The following FYTTD1 variants were observed in gnomAD, a reference collection of about 807,000 sequenced individuals.
FYTTD1 encodes the protein UAP56-interacting factor.
FYTTD1 carries 22 observed loss-of-function variants against 40.9 expected under a neutral mutation model. The observed-to-expected ratio is 0.54, with a 90% CI of 0.38 to 0.77. FYTTD1 has a LOEUF of 0.77. Ranked by LOEUF, FYTTD1 falls within the 30% of genes least tolerant of loss-of-function variation. FYTTD1 has a pLI of 0.00. For missense variants in FYTTD1, 351 were observed against 392.2 expected (o/e 0.90, Z 0.89); for synonymous variants, 140 against 137.9 (o/e 1.01, Z -0.10).
intron 2 of FYTTD1, among the ~76,000 whole-genome samples, chr3:197,765,006 C>T (rs897096136): frequency 3.3e-5 from 5 of 151,732 alleles, no homozygotes; most frequent in African/African-American, 7.3e-5. Flanking sequence ...TGCACCACCA[C>T]GCCTGGTGGC....
Position 197,784,173 on chromosome 3 carries a change from G to A in FYTTD1, c.*2264G>A, listed in dbSNP as rs1041735303. 5.1e-4 allele frequency: 78 copies of A among 152,514 alleles called. 2 individuals are homozygous for A. The highest frequency in any genetic ancestry group is 1.5e-4 in the Non-Finnish European group (10 of 68,018). The allele number at this position is 152,514 out of a possible 1,614,324, so 9.4% of individuals were successfully genotyped here. On this transcript the variant is annotated 3_prime_UTR_variant, in exon 9 of 9. Coordinates refer to ENST00000241502, the MANE Select transcript of FYTTD1 (RefSeq NM_032288.7). Reference sequence around the variant, plus strand: ...ACATTGGTGCCGTGCATCACCAAATGAAAGTTTGTATTTAACGAGGAGGTG... The same window carrying A: ...ACATTGGTGCCGTGCATCACCAAATAAAAGTTTGTATTTAACGAGGAGGTG...
At position 197,768,658 on chromosome 3, in the gene FYTTD1, C is replaced by G. The variant is rs1729621426; in HGVS notation, c.384+71C>G. ...TTGTACTAACATTTCTGTGAATAAG[C>G]TTAAGAGAGAATTTTATTTGTTTTT... On this transcript the variant is annotated intron_variant, in intron 3 of 8. Transcript: ENST00000241502. The G allele has an allele frequency of 2.4e-6, 3 of 1,273,214 alleles. No individual in the cohort carries two copies. In the South Asian group the frequency reaches 5.7e-5, roughly 24 times the overall value. The allele number at this position is 1,273,214 out of a possible 1,614,324, so 78.9% of individuals were successfully genotyped here.
At chr3:197,752,948 T>G (rs1729107514) in intron 1 of FYTTD1, among the ~76,000 whole-genome samples, 1 of 152,156 alleles carries the variant, frequency 6.6e-6, no homozygotes, top group South Asian at 2.1e-4. Context: ...GGTTTTCTGT[T>G]TTCTTTTTTG....
intron 2 of FYTTD1, among the ~76,000 whole-genome samples, chr3:197,758,935 G>A (rs191737869): frequency 6.6e-6 from 1 of 152,326 alleles, no homozygotes; most frequent in Admixed American, 6.5e-5. Context: ...TTAACTTCGT[G>A]TGTGAAAAAT....
In FYTTD1 at chr3:197,784,703, A is replaced by C. The variant is rs2109059278; in HGVS notation, c.*2794A>C. 1 of 152,380 alleles carries C rather than the reference A, an allele frequency of 6.6e-6. No homozygotes were observed. The highest frequency in any genetic ancestry group is 2.4e-5 in the African/African-American group (1 of 41,548). The allele number at this position is 152,380 out of a possible 1,614,324, so 9.4% of individuals were successfully genotyped here. A position where few individuals can be genotyped will look rare whatever the true frequency, so the allele number is the denominator to read the frequency against. On this transcript the variant is annotated 3_prime_UTR_variant, in exon 9 of 9. Transcript: ENST00000241502. Reference sequence around the variant, plus strand: ...CTACTTGGGAGGCTGAGGCGGGAGAATTGCTTGAATCCAGGAAGCAGAGAT... The same window carrying C: ...CTACTTGGGAGGCTGAGGCGGGAGACTTGCTTGAATCCAGGAAGCAGAGAT...
chr3:197,759,067 AGTT>A (rs1580448822), intron 2 of FYTTD1, among the ~76,000 whole-genome samples: 1 of 152,264 alleles, frequency 6.6e-6, no homozygotes, highest in Non-Finnish European at 1.5e-5. Flanking sequence ...GAAAGTATAG[AGTT>A]GTTCTTCAGT....
chr3:197,761,000 A>G (rs568105410), intron 2 of FYTTD1, among the ~76,000 whole-genome samples: 4 of 148,528 alleles, frequency 2.7e-5, no homozygotes, highest in South Asian at 4.3e-4. Flanking sequence ...GGTAGAATGT[A>G]TAGAGTTGTT....
At chr3:197,754,789 T>A (rs1453161494) in intron 1 of FYTTD1, among the ~76,000 whole-genome samples, 1 of 151,550 alleles carries the variant, frequency 6.6e-6, no homozygotes, top group Admixed American at 6.6e-5. Context: ...CTCAGCCTCC[T>A]GGGTAGCTGG....
intron 2 of FYTTD1, among the ~76,000 whole-genome samples, chr3:197,767,057 C>G (rs916243973): frequency 4.0e-5 from 6 of 151,204 alleles, no homozygotes; most frequent in Non-Finnish European, 8.8e-5. Context: ...GTGAACATGT[C>G]TATTTTTTAA....
At chr3:197,750,717 C>T (rs1029830490) in intron 1 of FYTTD1, 3 of 985,364 alleles carry the variant, frequency 3.0e-6, no homozygotes, top group East Asian at 2.3e-4. Flanking sequence ...TTGAGCGCTG[C>T]CTAGAAAAGC....
intron 1 of FYTTD1, chr3:197,750,613 C>G (rs1246251967): frequency 2.0e-6 from 2 of 985,328 alleles, no homozygotes; most frequent in Non-Finnish European, 1.2e-6. Context: ...CCATGGCTGC[C>G]GGGCGCGACT....
chr3:197,751,651 C>CA (rs1190069312), intron 1 of FYTTD1, among the ~76,000 whole-genome samples: 5 of 148,064 alleles, frequency 3.4e-5, no homozygotes, highest in African/African-American at 1.3e-4. Flanking sequence ...TCCCCCCCCG[C>CA]AAAAAAGAGA....
Position 197,783,386 on chromosome 3 carries a change from A to G in FYTTD1, c.*1477A>G, listed in dbSNP as rs750938792. On this transcript the variant is annotated 3_prime_UTR_variant, in exon 9 of 9. Coordinates refer to ENST00000241502, the MANE Select transcript of FYTTD1 (RefSeq NM_032288.7). Reference sequence around the variant, plus strand: ...CTTGGCCTGCCCTGCATTGTATACTAGATTTCATTGTTGTCTCTCATGCTT... The same window carrying G: ...CTTGGCCTGCCCTGCATTGTATACTGGATTTCATTGTTGTCTCTCATGCTT... The G allele has an allele frequency of 6.6e-6, 1 of 152,576 alleles. No individual in the cohort carries two copies. Among genetic ancestry groups the G allele is most frequent in the Non-Finnish European group, 1.5e-5 (1 of 68,028 alleles). The allele number at this position is 152,576 out of a possible 1,614,324, so 9.5% of individuals were successfully genotyped here. A position where few individuals can be genotyped will look rare whatever the true frequency, so the allele number is the denominator to read the frequency against.
chr3:197,751,018 C>G (rs1729017971), intron 1 of FYTTD1, among the ~76,000 whole-genome samples: 1 of 152,212 alleles, frequency 6.6e-6, no homozygotes, highest in African/African-American at 2.4e-5. Context: ...GGGTGTAAGT[C>G]AGCTCTGCCA....
At chr3:197,772,396 T>A (rs1025483446) in intron 4 of FYTTD1, among the ~76,000 whole-genome samples, 1 of 152,220 alleles carries the variant, frequency 6.6e-6, no homozygotes, top group African/African-American at 2.4e-5. Context: ...TAGATAAATA[T>A]GAAATTTTAA....
rs546696585 is a variant in FYTTD1 at position 197,782,053 on chromosome 3, T to A, written c.*144T>A. ...TTTTTATTTTTGAAGGTTTTTTTTT[T>A]TAAAAAAAAAAACGTATAAAATAAT... On this transcript the variant is annotated 3_prime_UTR_variant, in exon 9 of 9. Transcript: ENST00000241502. The A allele has an allele frequency of 4.8e-5, 22 of 454,132 alleles. No homozygotes were observed. The South Asian group carries it at 5.0e-4, about 10-fold the overall frequency. 28.1% of individuals were successfully genotyped at this position (454,132 alleles called of 1,614,324 possible). A position where few individuals can be genotyped will look rare whatever the true frequency, so the allele number is the denominator to read the frequency against.
At chr3:197,763,882 A>G (rs756073681) in intron 2 of FYTTD1, among the ~76,000 whole-genome samples, 13 of 152,216 alleles carry the variant, frequency 8.5e-5, no homozygotes, top group Non-Finnish European at 1.9e-4. Flanking sequence ...GAAAGATGAA[A>G]ATGTCTTTCT....
At chr3:197,758,488 T>C (rs1236135163) in intron 2 of FYTTD1, among the ~76,000 whole-genome samples, 1 of 152,222 alleles carries the variant, frequency 6.6e-6, no homozygotes, top group Non-Finnish European at 1.5e-5. Context: ...AGAAATGTTG[T>C]AAGAGAAATT....
At chr3:197,777,509 G>T (rs113996713) in intron 7 of FYTTD1, among the ~76,000 whole-genome samples, 49 of 152,180 alleles carry the variant, frequency 3.2e-4, no homozygotes, top group African/African-American at 1.2e-3. Flanking sequence ...AAAATGCTAA[G>T]GTTACAGGTG....
Sources: allele counts gnomAD v4.1 joint callset (sites outside exome capture counted in the v4.1 genomes callset), GRCh38; gene constraint gnomAD v4.1.1; transcripts MANE v1.5; gene names NCBI Gene and HGNC (gene_info 2026-07-23, HGNC 2026-07-21).